Variants in CDH18 observed in about 807,000 individuals in gnomAD.
CDH18 encodes cadherin-18.
CDH18 carries 31 observed loss-of-function variants against 67.9 expected under a neutral mutation model. The observed-to-expected ratio is 0.46, with a 90% CI of 0.34 to 0.62. The LOEUF is 0.62. Ranked by LOEUF, CDH18 falls within the 20% of genes least tolerant of loss-of-function variation. CDH18 has a pLI of 0.01. For missense variants in CDH18, 890 were observed against 975.5 expected, an observed-to-expected ratio of 0.91 and a Z score of 1.17; for synonymous variants, 362 against 347.2, an observed-to-expected ratio of 1.04 and a Z score of -0.48.
intron 2 of CDH18, among the ~76,000 whole-genome samples, chr5:20,081,780 C>T (rs878909823): frequency 6.6e-6 from 1 of 152,018 alleles, no homozygotes; most frequent in Non-Finnish European, 1.5e-5. Context: ...ACAACAGACA[C>T]TGGGGCCTAC....
chr5:19,549,002 G>T (rs1244738274), intron 8 of CDH18, among the ~76,000 whole-genome samples: 1 of 151,916 alleles, frequency 6.6e-6, no homozygotes, highest in Non-Finnish European at 1.5e-5. Context: ...CGCCTGCCTC[G>T]GCCTCCCAAA....
intron 1 of CDH18, among the ~76,000 whole-genome samples, chr5:20,306,626 T>A (rs1026648657): frequency 3.9e-5 from 6 of 152,206 alleles, no homozygotes; most frequent in African/African-American, 1.4e-4. Flanking sequence ...AAATGTAATG[T>A]TTGTATTGAG....
At chr5:20,138,082 C>T (rs1024684821) in intron 2 of CDH18, among the ~76,000 whole-genome samples, 3 of 151,676 alleles carry the variant, frequency 2.0e-5, no homozygotes, top group Non-Finnish European at 2.9e-5. Flanking sequence ...ACTGGCAAAC[C>T]GAATCCGGCA....
intron 2 of CDH18, among the ~76,000 whole-genome samples, chr5:19,965,044 T>C (rs1797292318): frequency 6.6e-6 from 1 of 152,166 alleles, no homozygotes; most frequent in South Asian, 2.1e-4. Flanking sequence ...ACTTATAGAG[T>C]ACATTTGCTT....
At chr5:19,565,350 G>C (rs984435652) in intron 8 of CDH18, among the ~76,000 whole-genome samples, 2 of 152,160 alleles carry the variant, frequency 1.3e-5, no homozygotes, top group African/African-American at 4.8e-5. Flanking sequence ...AACATGGACA[G>C]AGAAACTCCA....
intron 5 of CDH18, among the ~76,000 whole-genome samples, chr5:19,651,033 T>C (rs1580701872): frequency 6.6e-6 from 1 of 152,012 alleles, no homozygotes; most frequent in Non-Finnish European, 1.5e-5. Flanking sequence ...TAAAAATACA[T>C]GAGCATATTA....
chr5:20,336,724 C>CAAAAAAAAAAAAAAAA lies in CDH18; in HGVS notation c.-579-81235_-579-81220dup, dbSNP rs59083214. Among the ~76,000 whole-genome samples, 57 of 63,476 alleles carry CAAAAAAAAAAAAAAAA rather than the reference C, an allele frequency of 9.0e-4. 6 individuals are homozygous for CAAAAAAAAAAAAAAAA. Among genetic ancestry groups the CAAAAAAAAAAAAAAAA allele is most frequent in the South Asian group, 2.3e-3 (3 of 1,306 alleles). The allele number at this position is 63,476 out of a possible 152,430, so 41.6% of individuals were successfully genotyped here. On this transcript the variant is annotated intron_variant, in intron 1 of 14. Coordinates refer to the CDH18 transcript ENST00000507958. ...GGCAACAGAGAGGGAGCCTCTGTCT[C>CAAAAAAAAAAAAAAAA]AAAAAAAAAAAAAAAAAAAAAAAAA... is the stretch of plus-strand genomic sequence containing the variant.
chr5:20,272,563 T>C (rs1400081712), intron 1 of CDH18, among the ~76,000 whole-genome samples: 1 of 151,848 alleles, frequency 6.6e-6, no homozygotes, highest in African/African-American at 2.4e-5. Context: ...TTTTTTGGAG[T>C]GAGACTAAAC....
chr5:19,472,463 T>C lies in CDH18; in HGVS notation c.*763A>G, dbSNP rs1737726194. On this transcript the variant is annotated 3_prime_UTR_variant, in exon 13 of 13. Transcript: ENST00000382275. The stretch of plus-strand genomic sequence containing the variant: ...CCTGACATATCAGATTTTCATAACA[T>C]ACCTTAAACTATTCTTTCTGTCCAT... Among the ~76,000 whole-genome samples, 1 of 152,140 alleles carries C rather than the reference T, an allele frequency of 6.6e-6. No individual in the cohort carries two copies. Among genetic ancestry groups the C allele is most frequent in the South Asian group, 2.1e-4 (1 of 4,834 alleles).
chr5:19,661,756 A>C (rs1757212702), intron 5 of CDH18, among the ~76,000 whole-genome samples: 1 of 152,112 alleles, frequency 6.6e-6, no homozygotes, highest in Admixed American at 6.6e-5. Context: ...GGGAAAAATG[A>C]AACCTTTCTA....
At chr5:20,172,230 A>ATATGTATATATATATACG (rs1554098795) in intron 2 of CDH18, among the ~76,000 whole-genome samples, 5 of 96,686 alleles carry the variant, frequency 5.2e-5, no homozygotes, top group African/African-American at 1.6e-4. Flanking sequence ...ATATGTATAT[A>ATATGTATATATATATACG]TATATATATG....
rs1233586442 is a variant in CDH18, at chr5:19,830,163, T to C, written c.228+8596A>G. On this transcript the variant is annotated intron_variant, in intron 3 of 12. Coordinates refer to ENST00000382275, the MANE Select transcript of CDH18 (RefSeq NM_004934.5). ...TTTATGATGAAGCTGCCAAAAGCAA[T>C]TGCAACTAAACAAAAAATGACAAAT... 3.3e-5 allele frequency among the ~76,000 whole-genome samples: 5 copies of C among 152,094 alleles called. No homozygotes were observed. In the East Asian group the frequency reaches 5.8e-4, roughly 18 times the overall value.
chr5:20,172,371 G>A (rs997985548), intron 2 of CDH18, among the ~76,000 whole-genome samples: 2 of 149,708 alleles, frequency 1.3e-5, no homozygotes, highest in African/African-American at 4.9e-5. Context: ...TAATTGTTAT[G>A]CTCTTCTCAT....
In CDH18 at chr5:20,074,073, T is replaced by A. The variant is rs575512897; in HGVS notation, c.-517-82059A>T. Among the ~76,000 whole-genome samples, 5 of 152,288 alleles carry A rather than the reference T, an allele frequency of 3.3e-5. 1 individual carries two copies. The East Asian group carries it at 9.6e-4, about 29-fold the overall frequency. On this transcript the variant is annotated intron_variant, in intron 2 of 14. Coordinates refer to the CDH18 transcript ENST00000507958. The stretch of plus-strand genomic sequence containing the variant: ...TTTCCACAAATACTACAGCATTTTT[T>A]AAATTGTAGCAATTTGTATTAAGAC...
intron 1 of CDH18, among the ~76,000 whole-genome samples, chr5:20,512,159 G>T (rs1755076622): frequency 6.6e-6 from 1 of 152,036 alleles, no homozygotes; most frequent in Non-Finnish European, 1.5e-5. Context: ...GAAGGCAGAG[G>T]TTGCAGTAGG....
intron 3 of CDH18, among the ~76,000 whole-genome samples, chr5:19,788,038 A>G (rs948457122): frequency 2.6e-5 from 4 of 152,162 alleles, no homozygotes; most frequent in Admixed American, 2.0e-4. Flanking sequence ...TTGGATCTAT[A>G]AAAACCTCTG....
intron 2 of CDH18, among the ~76,000 whole-genome samples, chr5:20,103,101 C>G (rs1267015170): frequency 2.0e-5 from 3 of 152,168 alleles, no homozygotes; most frequent in Admixed American, 1.3e-4. Flanking sequence ...GCCTCTTGAA[C>G]AAATTCCATG....
intron 3 of CDH18, among the ~76,000 whole-genome samples, chr5:19,753,933 G>C (rs1236027860): frequency 6.6e-6 from 1 of 152,154 alleles, no homozygotes; most frequent in African/African-American, 2.4e-5. Context: ...AATGCTGAGA[G>C]AATTTGTCAC....
intron 4 of CDH18, among the ~76,000 whole-genome samples, chr5:19,739,247 A>G (rs1440317856): frequency 1.3e-5 from 2 of 152,232 alleles, no homozygotes; most frequent in African/African-American, 2.4e-5. Flanking sequence ...AACAGAATGC[A>G]GCAAAAGTGG....
Sources: allele counts gnomAD v4.1 joint callset (sites outside exome capture counted in the v4.1 genomes callset), GRCh38; gene constraint gnomAD v4.1.1; transcripts MANE v1.5; gene names NCBI Gene and HGNC (gene_info 2026-07-23, HGNC 2026-07-21).